TMEM25: variants seen among roughly 807,000 people sequenced by gnomAD.
TMEM25 encodes 0610039J01Rik.
A neutral mutation model predicts 37.0 loss-of-function variants in TMEM25; 36 were observed. The observed-to-expected ratio is 0.97, with a 90% CI of 0.75 to 1.28. TMEM25 has a LOEUF of 1.28. Among genes scored for constraint, TMEM25 ranks in the 50% most tolerant of loss-of-function variants. The probability of loss-of-function intolerance (pLI) is 0.00; values close to 1 mark genes in which losing one functional copy is unlikely to be tolerated. For synonymous variants in TMEM25, 197 were observed against 203.7 expected, an observed-to-expected ratio of 0.97 and a Z score of 0.28; for missense variants, 444 against 477.9, an observed-to-expected ratio of 0.93 and a Z score of 0.66.
chr11:118,540,251 G>A (rs1042485318), downstream of TMEM25, among the ~76,000 whole-genome samples: 13 of 151,948 alleles, frequency 8.6e-5, no homozygotes, highest in African/African-American at 2.7e-4. Context: ...CTGGGACTAC[G>A]GGTTGGCTTG....
rs1951498421 is a variant in TMEM25, at chr11:118,535,767, T to C, written c.*1187T>C. The C allele has an allele frequency of 7.3e-7, 1 of 1,363,736 alleles. No homozygotes were observed. The highest frequency in any genetic ancestry group is 9.4e-7 in the Non-Finnish European group (1 of 1,061,328). The allele number at this position is 1,363,736 out of a possible 1,614,324, so 84.5% of individuals were successfully genotyped here. A position where few individuals can be genotyped will look rare whatever the true frequency, so the allele number is the denominator to read the frequency against. On this transcript the variant is annotated 3_prime_UTR_variant, in exon 9 of 9. Transcript: ENST00000313236. Reference sequence around the variant, plus strand: ...GTTGAGATCTTCTTTTGTAATGTTTTTCATGTTACTGCCTAGGGCGGTGCT... The same window carrying C: ...GTTGAGATCTTCTTTTGTAATGTTTCTCATGTTACTGCCTAGGGCGGTGCT...
At chr11:118,533,379 G>T (rs781811511) in intron 4 of TMEM25, 41 bp from the exon 5 acceptor site, 1 of 1,611,144 alleles carries the variant, frequency 6.2e-7, no homozygotes, top group East Asian at 2.2e-5. Context: ...TGGGGCTGGG[G>T]CACTACCCAC....
rs1951442961 is a variant in TMEM25 at position 118,534,407 on chromosome 11, T to TTA, written c.1027+54_1027+55dup. The TTA allele has an allele frequency of 6.2e-7, 1 of 1,610,866 alleles. No homozygotes were observed. The highest frequency in any genetic ancestry group is 8.5e-7 in the Non-Finnish European group (1 of 1,178,502). ...CCTCCTCTGCCCCCCAGCCCTGTGCTTATGCCAGAGGCCTCCAAGTGCCCA... is the reference window on the plus strand; with the variant it reads ...CCTCCTCTGCCCCCCAGCCCTGTGCTTATATGCCAGAGGCCTCCAAGTGCCCA... On this transcript the variant is annotated intron_variant, in intron 8 of 8. Transcript: ENST00000313236. The surrounding 1 kb of genome is among the most constrained non-coding windows in gnomAD (Gnocchi z 4.6).
chr11:118,534,824 G>A lies in TMEM25; in HGVS notation c.*244G>A. On this transcript the variant is annotated 3_prime_UTR_variant, in exon 9 of 9. Coordinates refer to ENST00000313236, the MANE Select transcript of TMEM25 (RefSeq NM_032780.4). The surrounding 1 kb of genome is among the most constrained non-coding windows in gnomAD (Gnocchi z 4.6). Reference sequence around the variant, plus strand: ...ACGTAAGCCCCTCATGCTGACTCAGGGTGGGCCCTGCATGTGATGACTGGG... The same window carrying A: ...ACGTAAGCCCCTCATGCTGACTCAGAGTGGGCCCTGCATGTGATGACTGGG... 1 of 1,365,422 alleles carries A rather than the reference G, an allele frequency of 7.3e-7. No homozygotes were observed. The highest frequency in any genetic ancestry group is 9.5e-7 in the Non-Finnish European group (1 of 1,056,450). The allele number at this position is 1,365,422 out of a possible 1,614,324, so 84.6% of individuals were successfully genotyped here.
At chr11:118,545,018 G>A (rs782074729) in intron 8 of TMEM25, 1 of 1,594,300 alleles carries the variant, frequency 6.3e-7, no homozygotes, top group Non-Finnish European at 8.6e-7. Context: ...AATGCTGCAA[G>A]GAAGAGGAGA....
chr11:118,533,328 C>T (rs1212740692), intron 4 of TMEM25, 92 bp from the exon 5 acceptor site: 2 of 1,583,938 alleles, frequency 1.3e-6, no homozygotes, highest in African/African-American at 1.3e-5. Context: ...CTGTCCCCAG[C>T]CACCCTGGGC....
chr11:118,540,928 T>G (rs1951570143), intron 8 of TMEM25, among the ~76,000 whole-genome samples: 1 of 152,012 alleles, frequency 6.6e-6, no homozygotes, highest in Non-Finnish European at 1.5e-5. Flanking sequence ...GAGAGCAAGT[T>G]AGTGGTTGCC....
chr11:118,534,614 C>T lies in TMEM25; in HGVS notation c.*34C>T, dbSNP rs781847243. The T allele has an allele frequency of 1.9e-6, 3 of 1,611,424 alleles. No individual in the cohort carries two copies. Among genetic ancestry groups the T allele is most frequent in the South Asian group, 2.2e-5 (2 of 90,962 alleles). On this transcript the variant is annotated 3_prime_UTR_variant, in exon 9 of 9. Transcript: ENST00000313236. The surrounding 1 kb of genome is among the most constrained non-coding windows in gnomAD (Gnocchi z 4.6). ...CGAGACAGGAGTATTCTCTTGGCCT[C>T]TGGACACCCTCCCGTTCCTCCAAGG...
chr11:118,531,445 G>T, intron 1 of TMEM25: 1 of 450,720 alleles, frequency 2.2e-6, no homozygotes, highest in Non-Finnish European at 4.0e-6. Context: ...CTTTGGGGGA[G>T]GGGCGCGTGG....
In TMEM25 at chr11:118,532,192, C is replaced by G; in HGVS notation, c.113C>G (p.Ala38Gly). The G allele has an allele frequency of 6.2e-7, 1 of 1,600,880 alleles. No homozygotes were observed. The highest frequency in any genetic ancestry group is 1.1e-5 in the South Asian group (1 of 88,446). The part of the protein sequence containing the change: ...LEPQIDGQTW[A>G]ERALRENERH... ...CCACAAATAGATGGTCAGACCTGGGCTGAGCGGGCACTTCGGGAGAATGAA... is the reference window on the plus strand; with the variant it reads ...CCACAAATAGATGGTCAGACCTGGGGTGAGCGGGCACTTCGGGAGAATGAA... Residue 38 changes from alanine to glycine, a missense_variant, in exon 3 of 9, where the codon GCT becomes GGT. By Grantham distance (60) the Ala-to-Gly change is moderately conservative (BLOSUM62 0). Transcript: ENST00000313236.
downstream of TMEM25, among the ~76,000 whole-genome samples, chr11:118,536,253 G>A (rs577181187): frequency 7.9e-5 from 12 of 151,700 alleles, no homozygotes; most frequent in South Asian, 2.5e-3. Context: ...GAGTGCAATG[G>A]CGTGATCTCG....
At chr11:118,533,773 T>C in intron 5 of TMEM25, 84 bp from the exon 6 acceptor site, 1 of 1,605,608 alleles carries the variant, frequency 6.2e-7, no homozygotes, top group Non-Finnish European at 8.5e-7. Context: ...ACCCCTTGCC[T>C]GAGGGTCCTG....
In TMEM25 at chr11:118,534,713, G is replaced by A; in HGVS notation, c.*133G>A. On this transcript the variant is annotated 3_prime_UTR_variant, in exon 9 of 9. Coordinates refer to ENST00000313236, the MANE Select transcript of TMEM25 (RefSeq NM_032780.4). This position sits in a 1 kb window ranked among gnomAD's most constrained non-coding sequence, Gnocchi z 4.6. ...CACTTTTGCTTGCCCTCCTGGCTGG[G>A]GTGCCCTCCATGTCATGCACGTGAT... The A allele has an allele frequency of 1.3e-6, 2 of 1,483,298 alleles. No individual in the cohort carries two copies. The highest frequency in any genetic ancestry group is 1.3e-5 in the South Asian group (1 of 74,462). The allele number at this position is 1,483,298 out of a possible 1,614,324, so 91.9% of individuals were successfully genotyped here. A position where few individuals can be genotyped will look rare whatever the true frequency, so the allele number is the denominator to read the frequency against.
chr11:118,539,236 C>T (rs531325135), downstream of TMEM25, among the ~76,000 whole-genome samples: 3 of 131,418 alleles, frequency 2.3e-5, no homozygotes, highest in Admixed American at 8.8e-5. Context: ...GGTGTGATCT[C>T]GGCTCACTGC....
In TMEM25 at chr11:118,534,965, A is replaced by AT. The variant is rs1951468901; in HGVS notation, c.*386dup. On this transcript the variant is annotated 3_prime_UTR_variant, in exon 9 of 9. Transcript: ENST00000313236. The surrounding 1 kb of genome is among the most constrained non-coding windows in gnomAD (Gnocchi z 4.6). ...CTCCACAGCACCTTGTACAGTAGGC[A>AT]TGGGGGCGTGCCTGTGTGGGGGACA... 1 of 1,076,480 alleles carries AT rather than the reference A, an allele frequency of 9.3e-7. No homozygotes were observed. The highest frequency in any genetic ancestry group is 4.8e-5 in the Admixed American group (1 of 20,912). 66.7% of individuals were successfully genotyped at this position (1,076,480 alleles called of 1,614,324 possible).
At position 118,535,001 on chromosome 11, in the gene TMEM25, T is replaced by C; in HGVS notation, c.*421T>C. The C allele has an allele frequency of 9.5e-7, 1 of 1,050,174 alleles. No individual in the cohort carries two copies. The highest frequency in any genetic ancestry group is 1.1e-6 in the Non-Finnish European group (1 of 870,284). 65.1% of individuals were successfully genotyped at this position (1,050,174 alleles called of 1,614,324 possible). On this transcript the variant is annotated 3_prime_UTR_variant, in exon 9 of 9. Coordinates refer to ENST00000313236, the MANE Select transcript of TMEM25 (RefSeq NM_032780.4). ...CCTGTGTGGGGGACAGGGAGGGCCC[T>C]GCATGGATTTTCCTCCTTCCTATGC... is the stretch of plus-strand genomic sequence containing the variant.
chr11:118,545,733 C>T (rs1460425771), intron 8 of TMEM25: 13 of 1,542,650 alleles, frequency 8.4e-6, no homozygotes, highest in South Asian at 1.1e-5. Context: ...ACAAGCCTGT[C>T]CAAAAGCCTA....
In TMEM25 at chr11:118,532,997, G is replaced by C. The variant is rs1555060176; in HGVS notation, c.463G>C (p.Val155Leu). ...CCTCCTGGTTGTCCTGTTTGCCCTG[G>C]TGCGTGCCAACCCGCCGGCCAATGT... is the stretch of plus-strand genomic sequence containing the variant. ...PGLLVVLFAL[V>L]RANPPANVTW... Residue 155 changes from valine (V) to leucine (L), a missense_variant, in exon 4 of 9, where the codon GTG (valine) becomes CTG (leucine). Val to Leu is a conservative substitution (Grantham distance 32). Transcript: ENST00000313236. 6.2e-7 allele frequency: 1 copy of C among 1,614,236 alleles called. No individual in the cohort carries two copies. The highest frequency in any genetic ancestry group is 2.2e-5 in the East Asian group (1 of 44,886).
In TMEM25 at chr11:118,534,754, G is replaced by A. The variant is rs1266476574; in HGVS notation, c.*174G>A. The A allele has an allele frequency of 8.4e-6, 12 of 1,432,304 alleles. No homozygotes were observed. The highest frequency in any genetic ancestry group is 9.1e-6 in the Non-Finnish European group (10 of 1,093,560). The allele number at this position is 1,432,304 out of a possible 1,614,324, so 88.7% of individuals were successfully genotyped here. A position where few individuals can be genotyped will look rare whatever the true frequency, so the allele number is the denominator to read the frequency against. ...TGCACGTGATGCATTTCACTGGGCT[G>A]TAACCCGCAGGGGCACAGGTATCTT... On this transcript the variant is annotated 3_prime_UTR_variant, in exon 9 of 9. Coordinates refer to ENST00000313236, the MANE Select transcript of TMEM25 (RefSeq NM_032780.4). The surrounding 1 kb of genome is among the most constrained non-coding windows in gnomAD (Gnocchi z 4.6).
Sources: gnomAD v4.1 joint callset for allele counts (sites outside exome capture counted in the v4.1 genomes callset) on GRCh38, gnomAD v4.1.1 for gene constraint, Gnocchi (gnomAD v3.1) non-coding constraint, MANE v1.5 for transcripts, NCBI Gene and HGNC (gene_info 2026-07-23, HGNC 2026-07-21) for gene names.